ZNF704: variants seen among roughly 807,000 people sequenced by gnomAD.
The protein encoded by ZNF704 is zinc finger protein 704.
ZNF704 carries 10 observed loss-of-function variants against 44.7 expected under a neutral mutation model. The observed-to-expected ratio is 0.22, with a 90% confidence interval of 0.14 to 0.38. ZNF704 has a LOEUF of 0.38. Among genes scored for constraint, ZNF704 ranks in the 10% least tolerant of loss-of-function variants. The probability of loss-of-function intolerance (pLI) is 1.00; values close to 1 mark genes in which losing one functional copy is unlikely to be tolerated. For synonymous variants in ZNF704, 211 were observed against 207.6 expected (o/e 1.02, Z -0.14); for missense variants, 390 against 545.5 (o/e 0.71, Z 2.84).
At chr8:80,649,948 A>T (rs1817890401) in intron 7 of ZNF704, among the ~76,000 whole-genome samples, 1 of 152,260 alleles carries the variant, frequency 6.6e-6, no homozygotes, top group African/African-American at 2.4e-5. Context: ...ACGGCCGGGT[A>T]CTTCTCTGAG....
intron 2 of ZNF704, among the ~76,000 whole-genome samples, chr8:80,761,280 C>T (rs1326088290): frequency 1.3e-5 from 2 of 152,200 alleles, no homozygotes; most frequent in East Asian, 1.9e-4. Flanking sequence ...TCTGTTTTTA[C>T]AACTTACCCC....
At chr8:80,657,205 C>T (rs956066557) in intron 7 of ZNF704, among the ~76,000 whole-genome samples, 20 of 152,038 alleles carry the variant, frequency 1.3e-4, no homozygotes, top group African/African-American at 4.8e-4. Flanking sequence ...GAGAGTTTAG[C>T]AACAAAAAGA....
At chr8:80,664,569 A>C (rs1029499617) in intron 6 of ZNF704, among the ~76,000 whole-genome samples, 10 of 152,170 alleles carry the variant, frequency 6.6e-5, no homozygotes, top group Admixed American at 6.5e-4. Flanking sequence ...ACTGTGCCCA[A>C]GGGATTTTTA....
At chr8:80,793,605 T>C (rs907910635) in intron 2 of ZNF704, among the ~76,000 whole-genome samples, 3 of 152,102 alleles carry the variant, frequency 2.0e-5, no homozygotes, top group South Asian at 2.1e-4. Context: ...AAAGTATTAA[T>C]AGTAGTATCC....
intron 2 of ZNF704, among the ~76,000 whole-genome samples, chr8:80,699,182 C>CT (rs1818771495): frequency 6.6e-6 from 1 of 152,034 alleles, no homozygotes; most frequent in Non-Finnish European, 1.5e-5. Flanking sequence ...ACTGGAAAGG[C>CT]TATAATAATC....
chr8:80,835,269 T>C (rs1808539897), intron 1 of ZNF704, among the ~76,000 whole-genome samples: 1 of 152,234 alleles, frequency 6.6e-6, no homozygotes, highest in Non-Finnish European at 1.5e-5. Context: ...AATTCACTTG[T>C]ATATTTTTCC....
chr8:80,778,248 TA>T (rs1009922943), intron 2 of ZNF704, among the ~76,000 whole-genome samples: 2 of 151,728 alleles, frequency 1.3e-5, no homozygotes, highest in Non-Finnish European at 2.9e-5. Flanking sequence ...ATAAGCATAT[TA>T]AAAAAAAGCT....
chr8:80,803,727 T>C (rs918443237), intron 2 of ZNF704, among the ~76,000 whole-genome samples: 38 of 151,902 alleles, frequency 2.5e-4, no homozygotes, highest in African/African-American at 8.5e-4. Context: ...AATTACAAAA[T>C]CACTAGAAGA....
At chr8:80,851,849 A>T (rs552887378) in intron 1 of ZNF704, among the ~76,000 whole-genome samples, 2 of 152,290 alleles carry the variant, frequency 1.3e-5, no homozygotes, top group African/African-American at 4.8e-5. Flanking sequence ...AAAAATAAGG[A>T]CACATCTATT....
At chr8:80,740,284 T>C (rs986873471) in intron 2 of ZNF704, among the ~76,000 whole-genome samples, 7 of 152,154 alleles carry the variant, frequency 4.6e-5, no homozygotes, top group African/African-American at 1.4e-4. Flanking sequence ...AGAACATCCA[T>C]TTGTTGTCCC....
intron 2 of ZNF704, among the ~76,000 whole-genome samples, chr8:80,743,224 T>C (rs1806792395): frequency 6.9e-6 from 1 of 145,762 alleles, no homozygotes; most frequent in Admixed American, 6.8e-5. Flanking sequence ...AAATCTCCTA[T>C]TAAAATAAAA....
Position 80,816,025 on chromosome 8 carries a change from CTT to C in ZNF704, c.221+5347_221+5348del, listed in dbSNP as rs1808171521. ...TGATGGTCTTTCAAAAAATTTCACT[CTT>C]TGTTAAATCAGCCAGAGTCACTGTC... On this transcript the variant is annotated intron_variant, in intron 2 of 8. Transcript: ENST00000327835. Among the ~76,000 whole-genome samples the C allele has an allele frequency of 2.0e-5, 3 of 152,310 alleles. No homozygotes were observed. In the South Asian group the frequency reaches 6.2e-4, roughly 32 times the overall value.
rs543928333 is a variant in ZNF704 at position 80,826,663 on chromosome 8, C to T, written c.-21-5048G>A. Among the ~76,000 whole-genome samples, 13 of 152,228 alleles carry T rather than the reference C, an allele frequency of 8.5e-5. No individual in the cohort carries two copies. In the South Asian group the frequency reaches 2.5e-3, roughly 29 times the overall value. ...CCAATATCCCTGATGAACATCAATGCAAAAATCCTCAGTAAAATACTGGCA... is the reference window on the plus strand; with the variant it reads ...CCAATATCCCTGATGAACATCAATGTAAAAATCCTCAGTAAAATACTGGCA... On this transcript the variant is annotated intron_variant, in intron 1 of 8. Transcript: ENST00000327835.
intron 1 of ZNF704, among the ~76,000 whole-genome samples, chr8:80,826,214 A>G (rs1249011509): frequency 6.6e-6 from 1 of 152,208 alleles, no homozygotes; most frequent in Non-Finnish European, 1.5e-5. Context: ...GAGAAGAATC[A>G]AATAGACACA....
At chr8:80,819,268 C>T (rs1012584516) in intron 2 of ZNF704, among the ~76,000 whole-genome samples, 1 of 151,956 alleles carries the variant, frequency 6.6e-6, no homozygotes, top group African/African-American at 2.4e-5. Context: ...ATTCAGTGAA[C>T]CATAAAAGGT....
At chr8:80,705,707 T>C (rs1818885695) in intron 2 of ZNF704, among the ~76,000 whole-genome samples, 1 of 152,190 alleles carries the variant, frequency 6.6e-6, no homozygotes, top group Admixed American at 6.5e-5. Context: ...GAGGTGGCTG[T>C]GCCGCAGACC....
intron 2 of ZNF704, among the ~76,000 whole-genome samples, chr8:80,734,998 T>C (rs1221107566): frequency 6.6e-6 from 1 of 152,226 alleles, no homozygotes; most frequent in Non-Finnish European, 1.5e-5. Flanking sequence ...CCCTTCCTTC[T>C]GTACACATCC....
At chr8:80,670,393 AG>A (rs1818260462) in intron 5 of ZNF704, 109 bp downstream of exon 5, 1 of 753,794 alleles carries the variant, frequency 1.3e-6, no homozygotes, top group Admixed American at 2.2e-5. Context: ...AGACCAAGCC[AG>A]CCCAGTGTCC....
rs1237010976 is a variant in ZNF704 at position 80,874,543 on chromosome 8, C to T, written c.-22+28G>A. The T allele has an allele frequency of 6.6e-6, 1 of 152,052 alleles. No homozygotes were observed. Among genetic ancestry groups the T allele is most frequent in the Non-Finnish European group, 1.5e-5 (1 of 68,016 alleles). The allele number at this position is 152,052 out of a possible 1,614,324, so 9.4% of individuals were successfully genotyped here. ...CTCCGGTCCCCCCGCTCAGACAAAA[C>T]CCGGACTGGATTTTTTTTTTCTCTT... On this transcript the variant is annotated intron_variant, in intron 1 of 8. Coordinates refer to ENST00000327835, the MANE Select transcript of ZNF704 (RefSeq NM_001033723.3). The surrounding 1 kb of genome is among the most constrained non-coding windows in gnomAD (Gnocchi z 4.4).
Sources: allele counts gnomAD v4.1 joint callset (sites outside exome capture counted in the v4.1 genomes callset), GRCh38; gene constraint gnomAD v4.1.1; non-coding constraint Gnocchi (gnomAD v3.1); transcripts MANE v1.5; gene names NCBI Gene and HGNC (gene_info 2026-07-23, HGNC 2026-07-21).